The following XG variants were observed in gnomAD, a reference collection of about 807,000 sequenced individuals.
XG encodes the protein Xg glycoprotein (Xg blood group).
A neutral mutation model predicts 25.7 loss-of-function variants in XG; 24 were observed. The observed-to-expected ratio is 0.93, with a 90% CI of 0.68 to 1.31. The LOEUF is 1.31. Ranked by LOEUF, XG falls within the 40% of genes most tolerant of loss-of-function variation. The pLI, the probability that XG is intolerant of heterozygous loss-of-function variation, is 0.00. For missense variants in XG, 181 were observed against 187.6 expected, an observed-to-expected ratio of 0.96 and a Z score of 0.21; for synonymous variants, 77 against 69.2, an observed-to-expected ratio of 1.11 and a Z score of -0.56.
chrX:2,792,846 G>C (rs147858239), intron 5 of XG, among the ~76,000 whole-genome samples: 1,914 of 111,117 alleles, frequency 0.017, 30 homozygotes, highest in African/African-American at 0.058. Context: ...CAAAGCTCTG[G>C]AGAGTCTGTG....
intron 7 of XG, among the ~76,000 whole-genome samples, chrX:2,798,888 C>CTTTT (rs1254883670): frequency 0.018 from 1,781 of 100,936 alleles, 40 homozygotes; most frequent in African/African-American, 0.059. Context: ...CTTTTTCTTT[C>CTTTT]TTTTTTTTTT....
intron 5 of XG, among the ~76,000 whole-genome samples, 187 bp downstream of exon 5, chrX:2,789,893 C>T (rs891772695): frequency 7.3e-5 from 8 of 110,035 alleles, no homozygotes; most frequent in East Asian, 2.8e-4. Flanking sequence ...GACAGGGTCT[C>T]GCTCTGTTGC....
At chrX:2,768,352 G>T (rs1202927138) in intron 1 of XG, among the ~76,000 whole-genome samples, 2 of 152,216 alleles carry the variant, frequency 1.3e-5, no homozygotes, top group Non-Finnish European at 2.9e-5. Context: ...TTGGCGTCCT[G>T]GACAGGTGTC....
rs147774141 is a variant in XG, at chrX:2,789,667, C to T, written c.214C>T (p.Arg72Cys). 498 of 1,163,368 alleles carry T rather than the reference C, an allele frequency of 4.3e-4. 3 individuals are homozygous for T. In the African/African-American group the frequency reaches 7.4e-3, roughly 17 times the overall value. The change falls in exon 5 of 11, where the codon CGC becomes TGC. Residue 72 changes from arginine (R) to cysteine (C), a missense_variant. Coordinates refer to ENST00000644266, the MANE Select transcript of XG (RefSeq NM_001141919.2). Reference sequence around the variant, plus strand: ...AGATATCTACCCAAGGCCAAAGCCACGCCCTCAACCCCAGCCTGGCAATTC... The same window carrying T: ...AGATATCTACCCAAGGCCAAAGCCATGCCCTCAACCCCAGCCTGGCAATTC... Reference protein sequence around the residue: ...GGNIYPRPKPRPQPQPGNSGN... With the variant: ...GGNIYPRPKPCPQPQPGNSGN...
chrX:2,768,881 A>G (rs1290231306), intron 1 of XG, among the ~76,000 whole-genome samples: 2 of 152,182 alleles, frequency 1.3e-5, no homozygotes, highest in African/African-American at 4.8e-5. Context: ...ATCGCTGGTA[A>G]CAGAGAACGT....
chrX:2,767,348 C>G (rs1176804238), intron 1 of XG, among the ~76,000 whole-genome samples: 1 of 152,092 alleles, frequency 6.6e-6, no homozygotes, highest in East Asian at 1.9e-4. Context: ...CATCCACCAA[C>G]AGGAGCCACT....
intron 3 of XG, among the ~76,000 whole-genome samples, chrX:2,780,912 AG>A (rs1036753018): frequency 1.3e-5 from 2 of 151,990 alleles, no homozygotes; most frequent in East Asian, 1.9e-4. Flanking sequence ...CAGGGAGCAG[AG>A]GGGGGACTTT....
At chrX:2,789,042 G>A (rs980522023) in intron 4 of XG, among the ~76,000 whole-genome samples, 1 of 111,237 alleles carries the variant, frequency 9.0e-6, no homozygotes, top group Non-Finnish European at 1.9e-5. Flanking sequence ...ACCAACCTGG[G>A]CAACATAGCA....
intron 1 of XG, among the ~76,000 whole-genome samples, chrX:2,759,326 A>C (rs1186774791): frequency 6.6e-6 from 1 of 152,200 alleles, no homozygotes; most frequent in African/African-American, 2.4e-5. Flanking sequence ...TATAACTTCT[A>C]ACCCTGCGAA....
At chrX:2,779,509 G>A (rs2051073612) in intron 3 of XG, among the ~76,000 whole-genome samples, 1 of 152,058 alleles carries the variant, frequency 6.6e-6, no homozygotes, top group Non-Finnish European at 1.5e-5. Flanking sequence ...TATGCAAAAT[G>A]CAGTCATCCT....
chrX:2,766,970 T>C (rs1209942481), intron 1 of XG, among the ~76,000 whole-genome samples: 4 of 152,202 alleles, frequency 2.6e-5, no homozygotes, highest in Non-Finnish European at 4.4e-5. Context: ...GGGACCCGTC[T>C]TGGGGAAGAG....
chrX:2,800,605 C>T (rs149846381), intron 7 of XG, among the ~76,000 whole-genome samples: 66 of 111,940 alleles, frequency 5.9e-4, no homozygotes, highest in African/African-American at 1.9e-3. Flanking sequence ...TATAGGTAGC[C>T]CATCCTCAGA....
intron 4 of XG, among the ~76,000 whole-genome samples, chrX:2,783,981 C>G (rs1428463592): frequency 1.8e-5 from 2 of 110,130 alleles, no homozygotes; most frequent in Non-Finnish European, 3.8e-5. Flanking sequence ...CTCGAAAAAC[C>G]AAACCAAACC....
chrX:2,789,586 G>A (rs2086817193), intron 4 of XG, 58 bp from the exon 5 acceptor site: 4 of 776,337 alleles, frequency 5.2e-6, no homozygotes, highest in Non-Finnish European at 5.7e-6. Context: ...ATTTATAGAT[G>A]GTATCTACCT....
At chrX:2,781,645 GT>G (rs2086729527) in intron 3 of XG, among the ~76,000 whole-genome samples, 1 of 111,833 alleles carries the variant, frequency 8.9e-6, no homozygotes. Context: ...GTTCATCGGT[GT>G]TTCATTATTG....
intron 3 of XG, among the ~76,000 whole-genome samples, chrX:2,779,616 T>G (rs1477089219): frequency 6.6e-6 from 1 of 152,134 alleles, no homozygotes; most frequent in Non-Finnish European, 1.5e-5. Context: ...GTGCAGTACT[T>G]GCATATAATG....
At chrX:2,775,611 G>C (rs1369733551) in intron 3 of XG, among the ~76,000 whole-genome samples, 1 of 152,088 alleles carries the variant, frequency 6.6e-6, no homozygotes, top group Non-Finnish European at 1.5e-5. Flanking sequence ...CTTTTAAATG[G>C]TTAATTATAT....
At chrX:2,773,859 G>GAGGGCAGGAAGAAGGA (rs2050909162) in intron 2 of XG, among the ~76,000 whole-genome samples, 2 of 151,560 alleles carry the variant, frequency 1.3e-5, no homozygotes, top group African/African-American at 4.9e-5. Flanking sequence ...AGGAAGAAGG[G>GAGGGCAGGAAGAAGGA]AGGGCAGGAA....
intron 9 of XG, among the ~76,000 whole-genome samples, chrX:2,811,105 G>A (rs1372847033): frequency 1.2e-5 from 1 of 86,746 alleles, no homozygotes; most frequent in Non-Finnish European, 2.1e-5. Flanking sequence ...ACTTCCTAAG[G>A]TTTTTTTTTC....
Sources: allele counts gnomAD v4.1 joint callset (sites outside exome capture counted in the v4.1 genomes callset), GRCh38; gene constraint gnomAD v4.1.1; transcripts MANE v1.5; gene names NCBI Gene and HGNC (gene_info 2026-07-23, HGNC 2026-07-21).